Variants in PLCB4 observed in about 807,000 individuals in gnomAD.
The protein encoded by PLCB4 is phospholipase C beta 4.
A neutral mutation model predicts 178.8 loss-of-function variants in PLCB4; 77 were observed. The ratio of observed to expected loss-of-function variants is 0.43; its 90% confidence interval spans 0.36 to 0.52. The LOEUF is 0.52. Among genes scored for constraint, PLCB4 ranks in the 20% least tolerant of loss-of-function variants. The pLI, the probability that PLCB4 is intolerant of heterozygous loss-of-function variation, is 0.00. For missense variants in PLCB4, 1,024 were observed against 1,453.4 expected, an observed-to-expected ratio of 0.70 and a Z score of 4.80; for synonymous variants, 496 against 490.8, an observed-to-expected ratio of 1.01 and a Z score of -0.14.
At chr20:9,091,430 A>C (rs1190380379) in intron 1 of PLCB4, among the ~76,000 whole-genome samples, 1 of 152,004 alleles carries the variant, frequency 6.6e-6, no homozygotes, top group African/African-American at 2.4e-5. Context: ...CCCTCAGCTA[A>C]TGTAGGTATG....
Position 9,479,108 on chromosome 20 carries a change from C to T in PLCB4, c.*99C>T. ...TTATTTTGTTTCCTTTATGTGTAAACAAGATGATATCTGAAACCAGAGAGA... is the reference window on the plus strand; with the variant it reads ...TTATTTTGTTTCCTTTATGTGTAAATAAGATGATATCTGAAACCAGAGAGA... On this transcript the variant is annotated 3_prime_UTR_variant, in exon 40 of 40. Coordinates refer to ENST00000378473, the MANE Select transcript of PLCB4 (RefSeq NM_001377142.1). 2.5e-6 allele frequency: 2 copies of T among 805,488 alleles called. No individual in the cohort carries two copies. The highest frequency in any genetic ancestry group is 4.2e-6 in the Non-Finnish European group (2 of 473,514). The allele number at this position is 805,488 out of a possible 1,614,324, so 49.9% of individuals were successfully genotyped here.
chr20:9,096,598 G>A (rs2090919367), intron 2 of PLCB4, among the ~76,000 whole-genome samples: 1 of 152,200 alleles, frequency 6.6e-6, no homozygotes, highest in Non-Finnish European at 1.5e-5. Flanking sequence ...ATGCTTCTCA[G>A]CAGATCCATT....
chr20:9,413,317 A>AG, intron 25 of PLCB4, among the ~76,000 whole-genome samples: 1 of 152,002 alleles, frequency 6.6e-6, no homozygotes, highest in South Asian at 2.1e-4. Context: ...TTTCTGTATA[A>AG]AAAAAATCCT....
In PLCB4 at chr20:9,164,933, T is replaced by C. The variant is rs534171599; in HGVS notation, c.-78-52457T>C. On this transcript the variant is annotated intron_variant, in intron 2 of 39. Coordinates refer to ENST00000378473, the MANE Select transcript of PLCB4 (RefSeq NM_001377142.1). ...GAGGTGCCATGACTCAGTTTCTTCC[T>C]CTTGAGTCTGCCTGTGTAAAAGTGG... 9.8e-4 allele frequency among the ~76,000 whole-genome samples: 149 copies of C among 152,308 alleles called. 1 individual carries two copies. The highest frequency in any genetic ancestry group is 3.2e-3 in the African/African-American group (133 of 41,546).
chr20:9,240,942 G>T (rs2094053284), intron 3 of PLCB4, among the ~76,000 whole-genome samples: 1 of 152,102 alleles, frequency 6.6e-6, no homozygotes, highest in Non-Finnish European at 1.5e-5. Context: ...TTTCCTGGTG[G>T]TAGCAGAGAT....
chr20:9,160,747 G>T (rs2092874876), intron 2 of PLCB4, among the ~76,000 whole-genome samples: 1 of 152,168 alleles, frequency 6.6e-6, no homozygotes, highest in Non-Finnish European at 1.5e-5. Flanking sequence ...GAGCCTGCAA[G>T]GGCATAGAAA....
At chr20:9,173,123 G>T (rs1040862071) in intron 2 of PLCB4, among the ~76,000 whole-genome samples, 1 of 152,204 alleles carries the variant, frequency 6.6e-6, no homozygotes, top group Non-Finnish European at 1.5e-5. Context: ...GGTTGGCCTT[G>T]CAAAGCTTTG....
intron 1 of PLCB4, among the ~76,000 whole-genome samples, chr20:9,081,979 C>CATT (rs751422078): frequency 7.3e-5 from 11 of 151,272 alleles, no homozygotes; most frequent in Non-Finnish European, 1.6e-4. Flanking sequence ...CCAGAGGAGA[C>CATT]ATTTCCCTGA....
chr20:9,293,622 TATTCATTCATTC>T (rs4053132), intron 3 of PLCB4, among the ~76,000 whole-genome samples: 4,768 of 150,852 alleles, frequency 0.032, 221 homozygotes, highest in African/African-American at 0.1. Context: ...CAGAGTAAAA[TATTCATTCATTC>T]ATTCATTCAT....
At chr20:9,374,483 T>A (rs2036510247) in intron 12 of PLCB4, among the ~76,000 whole-genome samples, 1 of 152,192 alleles carries the variant, frequency 6.6e-6, no homozygotes, top group Non-Finnish European at 1.5e-5. Context: ...TTTATATCCC[T>A]TGGCTTCTTC....
intron 2 of PLCB4, among the ~76,000 whole-genome samples, chr20:9,215,064 C>T (rs2093714656): frequency 6.6e-6 from 1 of 152,110 alleles, no homozygotes; most frequent in Non-Finnish European, 1.5e-5. Flanking sequence ...TTTTTGGGAA[C>T]TCGGCCTGTT....
chr20:9,120,952 A>T (rs181276921), intron 2 of PLCB4, among the ~76,000 whole-genome samples: 29 of 152,230 alleles, frequency 1.9e-4, no homozygotes, highest in African/African-American at 6.5e-4. Context: ...TTGTTGTGCC[A>T]TCACAGCTCT....
At chr20:9,194,017 A>C (rs1055545597) in intron 2 of PLCB4, among the ~76,000 whole-genome samples, 5 of 152,190 alleles carry the variant, frequency 3.3e-5, no homozygotes, top group African/African-American at 1.2e-4. Flanking sequence ...TTTTAAAAAA[A>C]ATTGGAAGCT....
chr20:9,434,831 C>T (rs1369613054), intron 28 of PLCB4, among the ~76,000 whole-genome samples: 1 of 152,152 alleles, frequency 6.6e-6, no homozygotes, highest in Non-Finnish European at 1.5e-5. Flanking sequence ...ACTTTATAAA[C>T]TTACACAGTA....
At chr20:9,196,496 G>C (rs761629159) in intron 2 of PLCB4, among the ~76,000 whole-genome samples, 1 of 152,176 alleles carries the variant, frequency 6.6e-6, no homozygotes, top group Non-Finnish European at 1.5e-5. Context: ...TTCCTTGCTG[G>C]TTTCTGTTCC....
intron 2 of PLCB4, among the ~76,000 whole-genome samples, chr20:9,112,883 C>G (rs1030938045): frequency 9.9e-5 from 3 of 30,174 alleles, no homozygotes; most frequent in Non-Finnish European, 1.5e-4. Flanking sequence ...TTCCTCTTGC[C>G]CTTTTTAAAA....
intron 38 of PLCB4, 108 bp downstream of exon 38, chr20:9,473,473 G>C (rs994762370): frequency 5.7e-6 from 3 of 526,718 alleles, no homozygotes; most frequent in Non-Finnish European, 1.0e-5. Context: ...TTGAAAGGTA[G>C]ATAGAAGAAT....
chr20:9,207,617 A>G (rs2093628754), intron 2 of PLCB4, among the ~76,000 whole-genome samples: 1 of 152,216 alleles, frequency 6.6e-6, no homozygotes, highest in African/African-American at 2.4e-5. Context: ...GGGGGATAGA[A>G]TCGATGGAAA....
chr20:9,293,959 T>C lies in PLCB4; in HGVS notation c.-15-13841T>C, dbSNP rs193249085. Among the ~76,000 whole-genome samples the C allele has an allele frequency of 3.3e-5, 5 of 152,294 alleles. No individual in the cohort carries two copies. In the East Asian group the frequency reaches 9.7e-4, roughly 29 times the overall value. On this transcript the variant is annotated intron_variant, in intron 3 of 39. Transcript: ENST00000378473. ...GTACCGGGGGGCAAGGAATCAATTC[T>C]GATAAATACAGAGAGGAGAATGTAA...
Sources: allele counts gnomAD v4.1 joint callset (sites outside exome capture counted in the v4.1 genomes callset), GRCh38; gene constraint gnomAD v4.1.1; transcripts MANE v1.5; gene names NCBI Gene and HGNC (gene_info 2026-07-23, HGNC 2026-07-21).